Variants in SDHAF4 observed in about 807,000 individuals in gnomAD.
SDHAF4 encodes the protein succinate dehydrogenase complex assembly factor 4, also known as succinate dehydrogenase assembly factor 4, mitochondrial.
A neutral mutation model predicts 14.3 loss-of-function variants in SDHAF4; 14 were observed. The ratio of observed to expected loss-of-function variants is 0.98; its 90% CI spans 0.65 to 1.53. The LOEUF (loss-of-function observed/expected upper bound fraction) is 1.53, where lower values mean the gene tolerates loss of function less well. Among genes scored for constraint, SDHAF4 ranks in the 40% most tolerant of loss-of-function variants. The probability of loss-of-function intolerance (pLI) is 0.00; values close to 1 mark genes in which losing one functional copy is unlikely to be tolerated. For missense variants in SDHAF4, 141 were observed against 129.3 expected, an observed-to-expected ratio of 1.09 and a Z score of -0.44; for synonymous variants, 63 against 47.3, an observed-to-expected ratio of 1.33 and a Z score of -1.36.
At chr6:70,586,428 CTTTTTTTTTTT>C (rs70990316) in intron 2 of SDHAF4, among the ~76,000 whole-genome samples, 2 of 80,304 alleles carry the variant, frequency 2.5e-5, no homozygotes, top group African/African-American at 5.0e-5. Context: ...ATTTGTTTGC[CTTTTTTTTTTT>C]TTTTTTTTTT....
intron 1 of SDHAF4, among the ~76,000 whole-genome samples, chr6:70,567,845 C>G (rs147417638): frequency 6.6e-6 from 1 of 152,222 alleles, no homozygotes; most frequent in South Asian, 2.1e-4. Flanking sequence ...GCCACCGTGC[C>G]TGACTAATTT....
In SDHAF4 at chr6:70,579,455, T is replaced by C; in HGVS notation, c.106T>C (p.Ser36Pro). ...LCHSLRKTSS[S>P]QGGKSELVKQ... ...TCATTCTCTGAGGAAAACAAGTTCTTCTCAAGGAGGAAAGTCTGAACTTGT... is the reference window on the plus strand; with the variant it reads ...TCATTCTCTGAGGAAAACAAGTTCTCCTCAAGGAGGAAAGTCTGAACTTGT... Residue 36 changes from serine to proline, a missense_variant, in exon 2 of 3, where the codon TCT (serine) becomes CCT (proline). Physicochemically the swap from Ser to Pro is moderately conservative, Grantham distance 74 (BLOSUM62 -1). Transcript: ENST00000370474. 6.2e-7 allele frequency: 1 copy of C among 1,608,702 alleles called. No individual in the cohort carries two copies.
chr6:70,597,125 T>A, the SDHAF4 span: 3 of 152,012 alleles, frequency 2.0e-5, no homozygotes, highest in African/African-American at 7.2e-5. Flanking sequence ...AGGCTCTGTT[T>A]TGGTGTTTTT....
downstream of SDHAF4, among the ~76,000 whole-genome samples, chr6:70,592,003 G>A (rs1432501006): frequency 6.6e-6 from 1 of 152,246 alleles, no homozygotes; most frequent in East Asian, 1.9e-4. Context: ...TGGCATGTTA[G>A]CATCTGAGCC....
chr6:70,568,474 T>C (rs1562054064), intron 1 of SDHAF4, among the ~76,000 whole-genome samples: 2 of 152,220 alleles, frequency 1.3e-5, no homozygotes, highest in Admixed American at 6.5e-5. Context: ...TAGAAATGTT[T>C]TCATATTGTT....
chr6:70,569,207 G>T (rs984533387), intron 1 of SDHAF4, among the ~76,000 whole-genome samples: 3 of 151,388 alleles, frequency 2.0e-5, no homozygotes, highest in Non-Finnish European at 4.4e-5. Context: ...CTCGTGATCC[G>T]CCCGTCTCGG....
At chr6:70,567,830 C>T (rs932552744) in intron 1 of SDHAF4, among the ~76,000 whole-genome samples, 3 of 152,022 alleles carry the variant, frequency 2.0e-5, no homozygotes, top group Non-Finnish European at 4.4e-5. Flanking sequence ...GGACTACAGG[C>T]GCCCGCCACC....
intron 1 of SDHAF4, among the ~76,000 whole-genome samples, chr6:70,573,676 T>C (rs1245296354): frequency 6.6e-6 from 1 of 151,370 alleles, no homozygotes. Context: ...TTCTTTTTTT[T>C]ATTTTTTTTT....
chr6:70,580,842 T>G (rs1802312756), intron 2 of SDHAF4, among the ~76,000 whole-genome samples: 1 of 152,130 alleles, frequency 6.6e-6, no homozygotes, highest in Non-Finnish European at 1.5e-5. Context: ...AAGTCATTGT[T>G]TAGTGGGTAC....
At chr6:70,579,671 G>C (rs1482962157) in intron 2 of SDHAF4, 105 bp downstream of exon 2, 1 of 904,664 alleles carries the variant, frequency 1.1e-6, no homozygotes, top group African/African-American at 1.7e-5. Flanking sequence ...CTTAAATTCT[G>C]TAGTAATAAA....
At chr6:70,584,295 A>G (rs930929230) in intron 2 of SDHAF4, among the ~76,000 whole-genome samples, 1 of 152,126 alleles carries the variant, frequency 6.6e-6, no homozygotes, top group African/African-American at 2.4e-5. Context: ...GGTTACAGGC[A>G]TGAGCCACCA....
At chr6:70,570,552 G>C (rs73480261) in intron 1 of SDHAF4, among the ~76,000 whole-genome samples, 2 of 151,578 alleles carry the variant, frequency 1.3e-5, no homozygotes, top group Admixed American at 6.6e-5. Context: ...TGAGAGCCTC[G>C]GCCTCTCAAA....
intron 1 of SDHAF4, among the ~76,000 whole-genome samples, chr6:70,572,101 C>G (rs1802188640): frequency 1.0e-5 from 1 of 97,560 alleles, no homozygotes; most frequent in Non-Finnish European, 1.8e-5. Flanking sequence ...CAAAGTCTTG[C>G]TCTGTCGCCC....
chr6:70,577,023 C>G (rs552589262), intron 1 of SDHAF4, among the ~76,000 whole-genome samples: 1 of 152,248 alleles, frequency 6.6e-6, no homozygotes, highest in South Asian at 2.1e-4. Flanking sequence ...AGGCCACATA[C>G]ATTTCCTTCT....
downstream of SDHAF4, among the ~76,000 whole-genome samples, chr6:70,590,009 G>A (rs907601996): frequency 9.9e-5 from 15 of 152,104 alleles, no homozygotes; most frequent in African/African-American, 2.7e-4. Flanking sequence ...AGACCAAGGC[G>A]GGTCAATCAC....
chr6:70,595,170 A>G, the SDHAF4 span, among the ~76,000 whole-genome samples: 1 of 152,142 alleles, frequency 6.6e-6, no homozygotes, highest in Non-Finnish European at 1.5e-5. Context: ...CCCCTAAGGT[A>G]TCCTTTGCTG....
chr6:70,587,516 A>G (rs996263426), intron 2 of SDHAF4, among the ~76,000 whole-genome samples: 4 of 152,118 alleles, frequency 2.6e-5, no homozygotes, highest in Non-Finnish European at 5.9e-5. Flanking sequence ...AAAACAAAGA[A>G]TTAGCGCTCT....
chr6:70,595,365 G>A, the SDHAF4 span, among the ~76,000 whole-genome samples: 4 of 152,180 alleles, frequency 2.6e-5, no homozygotes, highest in African/African-American at 9.7e-5. Context: ...TCATTTAAGA[G>A]AATAAGAATT....
chr6:70,596,657 T>C, the SDHAF4 span: 1 of 152,252 alleles, frequency 6.6e-6, no homozygotes, highest in Non-Finnish European at 1.5e-5. Context: ...TTGAGGGATT[T>C]CTGGGAATTT....
Sources: allele counts gnomAD v4.1 joint callset (sites outside exome capture counted in the v4.1 genomes callset), GRCh38; gene constraint gnomAD v4.1.1; transcripts MANE v1.5; gene names NCBI Gene and HGNC (gene_info 2026-07-23, HGNC 2026-07-21).